NCK2: variants seen among roughly 807,000 people sequenced by gnomAD.
The protein encoded by NCK2 is NCK adaptor protein 2.
NCK2 carries 16 observed loss-of-function variants against 33.9 expected under a neutral mutation model. The observed-to-expected ratio is 0.47, with a 90% CI of 0.32 to 0.72. The LOEUF (loss-of-function observed/expected upper bound fraction) is 0.72. Among genes scored for constraint, NCK2 ranks in the 30% least tolerant of loss-of-function variants. The pLI is 0.03. For missense variants in NCK2, 418 were observed against 537.3 expected, an observed-to-expected ratio of 0.78 and a Z score of 2.19; for synonymous variants, 273 against 239.9, an observed-to-expected ratio of 1.14 and a Z score of -1.27.
intron 1 of NCK2, among the ~76,000 whole-genome samples, chr2:105,753,790 A>C (rs1439968318): frequency 6.6e-6 from 1 of 152,264 alleles, no homozygotes; most frequent in Non-Finnish European, 1.5e-5. Flanking sequence ...GTAGCAGGAC[A>C]TACCAAATCC....
At position 105,877,960 on chromosome 2, in the gene NCK2, C is replaced by T. The variant is rs142275310; in HGVS notation, c.227-3368C>T. Among the ~76,000 whole-genome samples, 72 of 152,306 alleles carry T rather than the reference C, an allele frequency of 4.7e-4. 1 individual carries two copies. The highest frequency in any genetic ancestry group is 1.7e-3 in the African/African-American group (70 of 41,566). ...TAGATAACATAGTAAAGTCAGGTCC[C>T]TCTCCATCTCCAGACACCTGCCTCT... On this transcript the variant is annotated intron_variant, in intron 3 of 4. Transcript: ENST00000233154.
intron 2 of NCK2, among the ~76,000 whole-genome samples, chr2:105,830,717 T>TATG (rs1352679713): frequency 5.1e-5 from 5 of 97,706 alleles, no homozygotes; most frequent in Non-Finnish European, 9.5e-5. Flanking sequence ...GTGTGTGTGT[T>TATG]TGGTCTGATA....
intron 1 of NCK2, among the ~76,000 whole-genome samples, chr2:105,756,103 A>C (rs1233134793): frequency 2.6e-5 from 4 of 152,234 alleles, no homozygotes; most frequent in African/African-American, 9.7e-5. Flanking sequence ...TCTTTAAAAC[A>C]GGCCCTTACT....
rs183765612 is a variant in NCK2 at position 105,853,455 on chromosome 2, T to C, written c.-16-1593T>C. ...TGCACATTTTATAGATTTTAACAAA[T>C]GTATAATGACAGGTGTCCGCCATTA... On this transcript the variant is annotated intron_variant, in intron 2 of 4. Coordinates refer to ENST00000233154, the MANE Select transcript of NCK2 (RefSeq NM_003581.5). Among the ~76,000 whole-genome samples, 124 of 152,338 alleles carry C rather than the reference T, an allele frequency of 8.1e-4. 1 individual carries two copies. Among genetic ancestry groups the C allele is most frequent in the Non-Finnish European group, 2.6e-4 (18 of 68,036 alleles).
At chr2:105,757,606 G>A (rs1012336133) in intron 1 of NCK2, among the ~76,000 whole-genome samples, 12 of 152,178 alleles carry the variant, frequency 7.9e-5, no homozygotes, top group Middle Eastern at 3.2e-3. Flanking sequence ...GCTGGGTGCC[G>A]TGGGAAAACC....
intron 3 of NCK2, among the ~76,000 whole-genome samples, chr2:105,880,591 A>G (rs2104656870): frequency 6.6e-6 from 1 of 152,244 alleles, no homozygotes; most frequent in African/African-American, 2.4e-5. Flanking sequence ...CTAAGACTGG[A>G]TGGTCTTAGA....
chr2:105,805,265 G>T (rs1341253522), intron 1 of NCK2, among the ~76,000 whole-genome samples: 1 of 152,210 alleles, frequency 6.6e-6, no homozygotes, highest in Admixed American at 6.5e-5. Context: ...CCCAGTACGG[G>T]GAGGAAATAG....
At chr2:105,826,340 G>C (rs755693604) in intron 2 of NCK2, among the ~76,000 whole-genome samples, 4 of 152,138 alleles carry the variant, frequency 2.6e-5, no homozygotes, top group Non-Finnish European at 5.9e-5. Context: ...AACACATGGG[G>C]ATTATAGGGA....
intron 1 of NCK2, among the ~76,000 whole-genome samples, chr2:105,782,093 A>G (rs1690517147): frequency 6.6e-6 from 1 of 151,888 alleles, no homozygotes; most frequent in Non-Finnish European, 1.5e-5. Flanking sequence ...TTCCTTCCTT[A>G]CTCTGTTCTT....
intron 4 of NCK2, among the ~76,000 whole-genome samples, chr2:105,882,506 TAA>T (rs1178150623): frequency 6.6e-6 from 1 of 152,214 alleles, no homozygotes; most frequent in African/African-American, 2.4e-5. Flanking sequence ...GTAAACCATA[TAA>T]TCCCAAGGTC....
chr2:105,891,756 A>G (rs1004753469), intron 4 of NCK2, among the ~76,000 whole-genome samples: 3 of 152,018 alleles, frequency 2.0e-5, no homozygotes, highest in Non-Finnish European at 4.4e-5. Flanking sequence ...CATGTTGGCC[A>G]GGCTGGTCTC....
At chr2:105,813,523 G>T (rs1675366147) in intron 1 of NCK2, among the ~76,000 whole-genome samples, 2 of 152,204 alleles carry the variant, frequency 1.3e-5, no homozygotes, top group African/African-American at 4.8e-5. Flanking sequence ...CCTCTCAGAT[G>T]CTGATAGTTG....
chr2:105,819,638 A>G (rs1209191951), intron 2 of NCK2, among the ~76,000 whole-genome samples: 2 of 152,226 alleles, frequency 1.3e-5, no homozygotes, highest in Non-Finnish European at 2.9e-5. Flanking sequence ...GGAGCTCCCA[A>G]CACACGGGTG....
chr2:105,765,686 T>C (rs896123949), intron 1 of NCK2, among the ~76,000 whole-genome samples: 1 of 151,516 alleles, frequency 6.6e-6, no homozygotes, highest in East Asian at 1.9e-4. Flanking sequence ...TAATTACTAA[T>C]ATGTTCCTTA....
chr2:105,887,609 G>A (rs1390142982), intron 4 of NCK2, among the ~76,000 whole-genome samples: 5 of 152,130 alleles, frequency 3.3e-5, no homozygotes, highest in South Asian at 4.1e-4. Flanking sequence ...CCTCCCTCCC[G>A]TTTCCTCATG....
chr2:105,803,080 A>G (rs1674901745), intron 1 of NCK2, among the ~76,000 whole-genome samples: 1 of 152,100 alleles, frequency 6.6e-6, no homozygotes, highest in Non-Finnish European at 1.5e-5. Flanking sequence ...TTTTCCTTAG[A>G]GAAGAGATTA....
At chr2:105,785,731 A>G (rs1451500756) in intron 1 of NCK2, among the ~76,000 whole-genome samples, 2 of 152,226 alleles carry the variant, frequency 1.3e-5, no homozygotes, top group Non-Finnish European at 2.9e-5. Context: ...TGTGCTTTAT[A>G]AGCCGAAGCT....
intron 2 of NCK2, among the ~76,000 whole-genome samples, chr2:105,823,026 A>G (rs1675803346): frequency 6.6e-6 from 1 of 151,998 alleles, no homozygotes; most frequent in South Asian, 2.1e-4. Context: ...AACAGGCCAC[A>G]CAGAGCTTGA....
At chr2:105,835,388 C>CGTATATATATGTATATATATATATATAT in intron 2 of NCK2, among the ~76,000 whole-genome samples, 9 of 52,092 alleles carry the variant, frequency 1.7e-4, no homozygotes, top group African/African-American at 6.5e-4. Flanking sequence ...TATATATACA[C>CGTATATATATGTATATATATATATATAT]ATATATATAT....
Sources: gnomAD v4.1 joint callset for allele counts (sites outside exome capture counted in the v4.1 genomes callset) on GRCh38, gnomAD v4.1.1 for gene constraint, MANE v1.5 for transcripts, NCBI Gene and HGNC (gene_info 2026-07-23, HGNC 2026-07-21) for gene names.